The following UNC5B variants were observed in gnomAD, a reference collection of about 807,000 sequenced individuals.
UNC5B encodes the protein netrin receptor UNC5B.
UNC5B carries 56 observed loss-of-function variants against 103.7 expected under a neutral mutation model. That is an observed-to-expected ratio of 0.54 (90% confidence interval 0.44 to 0.67). UNC5B has a LOEUF of 0.67. Ranked by LOEUF, UNC5B falls within the 30% of genes least tolerant of loss-of-function variation. The probability of loss-of-function intolerance (pLI) is 0.00; values close to 1 mark genes in which losing one functional copy is unlikely to be tolerated. For synonymous variants in UNC5B, 577 were observed against 542.0 expected (o/e 1.06, Z -0.90); for missense variants, 1,194 against 1,284.5 (o/e 0.93, Z 1.08).
intron 1 of UNC5B, among the ~76,000 whole-genome samples, chr10:71,249,787 G>A (rs1360780403): frequency 1.3e-5 from 2 of 152,308 alleles, no homozygotes; most frequent in East Asian, 3.9e-4. Flanking sequence ...GGAGGTTAGG[G>A]CATGGAACAG....
intron 1 of UNC5B, among the ~76,000 whole-genome samples, chr10:71,267,819 CT>C (rs1414620040): frequency 6.6e-6 from 1 of 152,244 alleles, no homozygotes; most frequent in Non-Finnish European, 1.5e-5. Context: ...AACTCAGCTG[CT>C]CACCCAAACC....
intron 3 of UNC5B, 133 bp downstream of exon 3, chr10:71,284,996 C>A: frequency 7.6e-7 from 1 of 1,319,764 alleles, no homozygotes; most frequent in Non-Finnish European, 1.0e-6. Context: ...AGAGACATCC[C>A]AGCACATGGA....
At chr10:71,256,756 C>A (rs1174260531) in intron 1 of UNC5B, among the ~76,000 whole-genome samples, 1 of 152,238 alleles carries the variant, frequency 6.6e-6, no homozygotes, top group Non-Finnish European at 1.5e-5. Flanking sequence ...TTTTGATATT[C>A]TTAGAACATC....
At chr10:71,262,036 A>C (rs1844426072) in intron 1 of UNC5B, among the ~76,000 whole-genome samples, 1 of 152,052 alleles carries the variant, frequency 6.6e-6, no homozygotes, top group Non-Finnish European at 1.5e-5. Flanking sequence ...AGATAGTTTC[A>C]AAGCAACACA....
At chr10:71,273,129 T>C (rs1589183594) in intron 1 of UNC5B, among the ~76,000 whole-genome samples, 1 of 152,270 alleles carries the variant, frequency 6.6e-6, no homozygotes, top group Non-Finnish European at 1.5e-5. Flanking sequence ...CCTCAGGTGA[T>C]CCGCCCGCCT....
chr10:71,265,054 T>C (rs1214898226), intron 1 of UNC5B, among the ~76,000 whole-genome samples: 1 of 151,280 alleles, frequency 6.6e-6, no homozygotes. Flanking sequence ...TCTGTGACAT[T>C]AGACAAGTAA....
chr10:71,242,100 C>T (rs1015911654), intron 1 of UNC5B, among the ~76,000 whole-genome samples: 3 of 152,162 alleles, frequency 2.0e-5, no homozygotes, highest in African/African-American at 4.8e-5. Flanking sequence ...CCAACCCCAG[C>T]CCCCTGGAGT....
At chr10:71,231,241 C>T (rs974882618) in intron 1 of UNC5B, among the ~76,000 whole-genome samples, 1 of 152,188 alleles carries the variant, frequency 6.6e-6, no homozygotes, top group Non-Finnish European at 1.5e-5. Context: ...CTGCTGGGCA[C>T]CCTAAAAATA....
intron 1 of UNC5B, among the ~76,000 whole-genome samples, chr10:71,226,422 G>A (rs1843565473): frequency 6.6e-6 from 1 of 152,196 alleles, no homozygotes; most frequent in African/African-American, 2.4e-5. Context: ...CACCACCCAT[G>A]TATCATTAGG....
intron 1 of UNC5B, among the ~76,000 whole-genome samples, chr10:71,246,704 CA>C (rs1844046070): frequency 6.6e-6 from 1 of 152,128 alleles, no homozygotes; most frequent in Non-Finnish European, 1.5e-5. Context: ...CCACATCTGT[CA>C]AAACCCTTTC....
chr10:71,243,008 G>A (rs963628147), intron 1 of UNC5B, among the ~76,000 whole-genome samples: 47 of 152,114 alleles, frequency 3.1e-4, no homozygotes, highest in Admixed American at 2.0e-3. Context: ...TGAAGCGGGC[G>A]GATCACCTGA....
rs1275531157 is a variant in UNC5B at position 71,288,727 on chromosome 10, T to G, written c.1061T>G (p.Met354Arg). 6.2e-7 allele frequency: 1 copy of G among 1,608,224 alleles called. No homozygotes were observed. The highest frequency in any genetic ancestry group is 8.5e-7 in the Non-Finnish European group (1 of 1,176,114). ...AAGAACTGCACAGATGGGCTGTGCA[T>G]GCAAAGTGAGTCACAGGGAAGGTGG... ...DSKNCTDGLC[M>R]QNKKTLSDPN... The change falls in exon 7 of 17, where the codon ATG becomes AGG. Residue 354 changes from methionine (M) to arginine (R), a missense_variant. Met to Arg is a moderately conservative substitution (Grantham distance 91). Coordinates refer to ENST00000335350, the MANE Select transcript of UNC5B (RefSeq NM_170744.5).
chr10:71,271,618 C>T (rs1356492165), intron 1 of UNC5B, among the ~76,000 whole-genome samples: 1 of 152,222 alleles, frequency 6.6e-6, no homozygotes, highest in Non-Finnish European at 1.5e-5. Flanking sequence ...CTTTCCAGCT[C>T]TGTAAGCAGC....
At chr10:71,250,421 C>T (rs1312979713) in intron 1 of UNC5B, among the ~76,000 whole-genome samples, 1 of 152,242 alleles carries the variant, frequency 6.6e-6, no homozygotes, top group African/African-American at 2.4e-5. Flanking sequence ...TTCCTCAAGT[C>T]CCAGCTTAAT....
intron 1 of UNC5B, among the ~76,000 whole-genome samples, chr10:71,276,128 T>C (rs983257344): frequency 2.0e-5 from 3 of 152,182 alleles, no homozygotes; most frequent in African/African-American, 7.2e-5. Flanking sequence ...TGTTTGGATC[T>C]AATTACCTAA....
intron 1 of UNC5B, among the ~76,000 whole-genome samples, chr10:71,246,567 G>A (rs573921210): frequency 2.0e-5 from 3 of 152,224 alleles, no homozygotes; most frequent in African/African-American, 7.2e-5. Context: ...GAGTGACTGG[G>A]TTGAGGGAAG....
In UNC5B at chr10:71,227,601, TAC is replaced by T. The variant is rs1843590166; in HGVS notation, c.79+14539_79+14540del. Among the ~76,000 whole-genome samples, 5 of 132,590 alleles carry T rather than the reference TAC, an allele frequency of 3.8e-5. 1 individual carries two copies. Among genetic ancestry groups the T allele is most frequent in the Admixed American group, 2.9e-4 (4 of 14,030 alleles). The allele number at this position is 132,590 out of a possible 152,430, so 87.0% of individuals were successfully genotyped here. ...AAAATAAAAATAAATTTTGTATACA[TAC>T]ATATATACATATATATACATATATA... On this transcript the variant is annotated intron_variant, in intron 1 of 16. Coordinates refer to ENST00000335350, the MANE Select transcript of UNC5B (RefSeq NM_170744.5).
At chr10:71,248,439 C>CT (rs1844091370) in intron 1 of UNC5B, among the ~76,000 whole-genome samples, 1 of 152,200 alleles carries the variant, frequency 6.6e-6, no homozygotes, top group South Asian at 2.1e-4. Flanking sequence ...CCTTCTTCCC[C>CT]TGAGTTGGCA....
chr10:71,288,154 G>A (rs1845142227), intron 6 of UNC5B, among the ~76,000 whole-genome samples: 1 of 152,160 alleles, frequency 6.6e-6, no homozygotes, highest in Admixed American at 6.5e-5. Flanking sequence ...TATTCATACT[G>A]ACAGTCCTCC....
Sources: gnomAD v4.1 joint callset for allele counts (sites outside exome capture counted in the v4.1 genomes callset) on GRCh38, gnomAD v4.1.1 for gene constraint, MANE v1.5 for transcripts, NCBI Gene and HGNC (gene_info 2026-07-23, HGNC 2026-07-21) for gene names.